TUBB3: variants seen among roughly 807,000 people sequenced by gnomAD.
TUBB3 encodes tubulin beta 3 class III.
A neutral mutation model predicts 37.8 loss-of-function variants in TUBB3; 17 were observed. The observed-to-expected ratio is 0.45, with a 90% CI of 0.31 to 0.67. The LOEUF (loss-of-function observed/expected upper bound fraction) is 0.67, where lower values mean the gene tolerates loss of function less well. TUBB3 is among the 30% of genes least tolerant of loss of function. The pLI is 0.07. For missense variants in TUBB3, 262 were observed against 657.9 expected (o/e 0.40, Z 6.58); for synonymous variants, 332 against 278.9 (o/e 1.19, Z -1.90).
chr16:89,924,861 G>A (rs948986915), intron 1 of TUBB3, among the ~76,000 whole-genome samples: 1 of 152,008 alleles, frequency 6.6e-6, no homozygotes, highest in African/African-American at 2.4e-5. Context: ...TTGGCCTGAT[G>A]GGAGGGGCTG....
At chr16:89,932,023 C>T in intron 1 of TUBB3, 1 of 277,532 alleles carries the variant, frequency 3.6e-6, no homozygotes, top group Non-Finnish European at 7.4e-6. Flanking sequence ...CTCAGAGTCC[C>T]TGTGAGTCCC....
Position 89,932,669 on chromosome 16 carries a change from C to T in TUBB3, c.156C>T (p.Asn52=), listed in dbSNP as rs1343459898. The change falls in exon 2 of 4, where the codon AAC becomes AAT. Residue 52 remains asparagine, a synonymous_variant. Transcript: ENST00000315491. ...LQLERISVYY[N]EASSHKYVPR... ...TGGAGCGGATCAGCGTCTACTACAA[C>T]GAGGCCTCTTGTGAGTGCCTGCCCC... 1.2e-5 allele frequency: 20 copies of T among 1,613,434 alleles called. No individual in the cohort carries two copies. Among genetic ancestry groups the T allele is most frequent in the Middle Eastern group, 1.6e-4 (1 of 6,084 alleles).
chr16:89,924,501 G>A (rs2030002022), intron 1 of TUBB3, among the ~76,000 whole-genome samples: 1 of 152,072 alleles, frequency 6.6e-6, no homozygotes, highest in Non-Finnish European at 1.5e-5. Context: ...ACCAAGGCCA[G>A]GGACCCAGCT....
intron 1 of TUBB3, among the ~76,000 whole-genome samples, chr16:89,926,574 G>A (rs188712114): frequency 2.4e-4 from 37 of 152,348 alleles, no homozygotes; most frequent in African/African-American, 8.7e-4. Context: ...GTGTTTCCAG[G>A]TTTTTGTTTT....
intron 1 of TUBB3, among the ~76,000 whole-genome samples, chr16:89,927,708 A>G (rs2030135389): frequency 6.6e-6 from 1 of 152,256 alleles, no homozygotes; most frequent in African/African-American, 2.4e-5. Context: ...TGTGGGCACC[A>G]TTCACACGTT....
At chr16:89,929,567 C>T (rs1168637783) in intron 1 of TUBB3, among the ~76,000 whole-genome samples, 2 of 152,236 alleles carry the variant, frequency 1.3e-5, no homozygotes, top group Non-Finnish European at 2.9e-5. Context: ...ACCGTGTGCA[C>T]GTGAGAAAAT....
chr16:89,924,172 CG>C (rs1371724401), intron 1 of TUBB3, among the ~76,000 whole-genome samples: 1 of 152,174 alleles, frequency 6.6e-6, no homozygotes, highest in Non-Finnish European at 1.5e-5. Flanking sequence ...GAGGCTGCAC[CG>C]TGGCGCGCCC....
chr16:89,923,479 C>T, intron 1 of TUBB3, 21 bp downstream of exon 1: 1 of 1,440,584 alleles, frequency 6.9e-7, no homozygotes, highest in South Asian at 1.4e-5. Flanking sequence ...GCGCCCCGGC[C>T]TGTCCCGGGC....
In TUBB3 at chr16:89,935,620, G is replaced by A. The variant is rs886042295; in HGVS notation, c.1169G>A (p.Arg390Gln). 6.2e-7 allele frequency: 1 copy of A among 1,613,700 alleles called. No individual in the cohort carries two copies. The change falls in exon 4 of 4, where the codon CGG becomes CAG. Residue 390 changes from arginine to glutamine, a missense_variant. Around this residue, in one of 3 missense-constraint regions of TUBB3, gnomAD observed 165 missense variants for 556.8 expected, o/e 0.30. Transcript: ENST00000315491. ...TCCGAGCAGTTCACGGCCATGTTCC[G>A]GCGCAAGGCCTTCCTGCACTGGTAC... ...RISEQFTAMFRRKAFLHWYTG... is the reference protein window; with the variant it reads ...RISEQFTAMFQRKAFLHWYTG...
chr16:89,930,047 CCTTCCTTCCTTCCTCT>C (rs747922003), intron 1 of TUBB3, among the ~76,000 whole-genome samples: 2 of 147,890 alleles, frequency 1.4e-5, no homozygotes, highest in African/African-American at 2.5e-5. Flanking sequence ...TTCCTTCCTT[CCTTCCTTCCTTCCTCT>C]CTCTCTCTCT....
rs529124896 is a variant in TUBB3 at position 89,933,078 on chromosome 16, A to G, written c.167-390A>G. ...AGTGGTGATACACCCACCTGCCCACATGGACATGTGATTTAAAATTTTATT... is the reference window on the plus strand; with the variant it reads ...AGTGGTGATACACCCACCTGCCCACGTGGACATGTGATTTAAAATTTTATT... On this transcript the variant is annotated intron_variant, in intron 2 of 3. Transcript: ENST00000315491. The G allele has an allele frequency of 3.4e-5, 16 of 475,542 alleles. 1 individual carries two copies. Among genetic ancestry groups the G allele is most frequent in the Middle Eastern group, 1.2e-3 (2 of 1,672 alleles). The allele number at this position is 475,542 out of a possible 1,614,324, so 29.5% of individuals were successfully genotyped here. A position where few individuals can be genotyped will look rare whatever the true frequency, so the allele number is the denominator to read the frequency against.
chr16:89,923,581 G>T, intron 1 of TUBB3, 123 bp downstream of exon 1: 1 of 975,308 alleles, frequency 1.0e-6, no homozygotes, highest in Non-Finnish European at 1.3e-6. Flanking sequence ...GATGCGCCCA[G>T]CGCCGCGCCG....
Position 89,932,651 on chromosome 16 carries a change from G to T in TUBB3, c.138G>T (p.Arg46=). The T allele has an allele frequency of 6.2e-7, 1 of 1,614,094 alleles. No individual in the cohort carries two copies. The highest frequency in any genetic ancestry group is 8.5e-7 in the Non-Finnish European group (1 of 1,180,032). ...YVGDSDLQLE[R]ISVYYNEASS... is the part of the protein sequence containing the mutation. Reference sequence around the variant, plus strand: ...GCGACTCGGACTTGCAGCTGGAGCGGATCAGCGTCTACTACAACGAGGCCT... The same window carrying T: ...GCGACTCGGACTTGCAGCTGGAGCGTATCAGCGTCTACTACAACGAGGCCT... The change falls in exon 2 of 4, where the codon CGG becomes CGT. Residue 46 remains arginine, a synonymous_variant. Coordinates refer to ENST00000315491, the MANE Select transcript of TUBB3 (RefSeq NM_006086.4).
At chr16:89,930,504 A>T (rs2030245132) in intron 1 of TUBB3, among the ~76,000 whole-genome samples, 1 of 151,180 alleles carries the variant, frequency 6.6e-6, no homozygotes, top group Admixed American at 6.6e-5. Flanking sequence ...GCTTACTGCA[A>T]CCTCCGTCTC....
Position 89,935,971 on chromosome 16 carries a change from C to G in TUBB3, c.*167C>G. ...GGCCTCGTCCTCCCCACCTAGGCCA[C>G]GTGTGAGCTGCTCCTGTCTCTGTCT... On this transcript the variant is annotated 3_prime_UTR_variant, in exon 4 of 4. Coordinates refer to ENST00000315491, the MANE Select transcript of TUBB3 (RefSeq NM_006086.4). 2 of 783,364 alleles carry G rather than the reference C, an allele frequency of 2.6e-6. No homozygotes were observed. The highest frequency in any genetic ancestry group is 4.0e-6 in the Non-Finnish European group (2 of 496,956). The allele number at this position is 783,364 out of a possible 1,614,324, so 48.5% of individuals were successfully genotyped here.
chr16:89,927,407 TTTTA>T (rs1255102464), intron 1 of TUBB3, among the ~76,000 whole-genome samples: 1 of 151,938 alleles, frequency 6.6e-6, no homozygotes, highest in African/African-American at 2.4e-5. Flanking sequence ...GAACAATATA[TTTTA>T]TTACTTTATC....
chr16:89,932,708 C>G lies in TUBB3; in HGVS notation c.166+29C>G, dbSNP rs966228935. The stretch of plus-strand genomic sequence containing the variant: ...AGTGCCTGCCCCAGCCTCCCTATCC[C>G]AGCCCTGGACTGACCAGGTCTCAGC... On this transcript the variant is annotated intron_variant, in intron 2 of 3. Coordinates refer to ENST00000315491, the MANE Select transcript of TUBB3 (RefSeq NM_006086.4). 3.2e-6 allele frequency: 5 copies of G among 1,570,214 alleles called. No homozygotes were observed. The African/African-American group carries it at 6.8e-5, about 21-fold the overall frequency.
At position 89,935,841 on chromosome 16, in the gene TUBB3, CG is replaced by C. The variant is rs753541407; in HGVS notation, c.*41del. The C allele has an allele frequency of 8.2e-6, 13 of 1,592,682 alleles. No homozygotes were observed. The highest frequency in any genetic ancestry group is 1.8e-5 in the Admixed American group (1 of 56,698). Reference sequence around the variant, plus strand: ...GCTGGAGTGAGAGGCAGGTGGCGGCCGGGGCCGAAGCCAGCAGTGTCTAAAC... The same window carrying C: ...GCTGGAGTGAGAGGCAGGTGGCGGCCGGGCCGAAGCCAGCAGTGTCTAAAC... On this transcript the variant is annotated 3_prime_UTR_variant, in exon 4 of 4. Coordinates refer to ENST00000315491, the MANE Select transcript of TUBB3 (RefSeq NM_006086.4).
intron 1 of TUBB3, among the ~76,000 whole-genome samples, chr16:89,925,239 C>T (rs549620783): frequency 6.6e-6 from 1 of 152,292 alleles, no homozygotes; most frequent in African/African-American, 2.4e-5. Flanking sequence ...AGTTTGCCCG[C>T]TACTTTTTAT....
Sources: allele counts gnomAD v4.1 joint callset (sites outside exome capture counted in the v4.1 genomes callset), GRCh38; gene constraint gnomAD v4.1.1; regional missense constraint gnomAD v4.1.1; transcripts MANE v1.5; gene names NCBI Gene and HGNC (gene_info 2026-07-23, HGNC 2026-07-21).